Variants in MEIS1 observed in about 807,000 individuals in gnomAD.
MEIS1 encodes the protein Meis homeobox 1.
MEIS1 carries 5 observed loss-of-function variants against 50.8 expected under a neutral mutation model. That is an observed-to-expected ratio of 0.10 (90% CI 0.05 to 0.21). The LOEUF is 0.21. Ranked by LOEUF, MEIS1 falls within the 10% of genes least tolerant of loss-of-function variation. The pLI, the probability that MEIS1 is intolerant of heterozygous loss-of-function variation, is 1.00. For synonymous variants in MEIS1, 176 were observed against 179.3 expected (o/e 0.98, Z 0.15); for missense variants, 318 against 517.3 (o/e 0.61, Z 3.74).
chr2:66,439,505 C>T, intron 2 of MEIS1: 2 of 1,467,136 alleles, frequency 1.4e-6, no homozygotes, highest in Non-Finnish European at 9.0e-7. Flanking sequence ...GTGGAGGGGA[C>T]GAGGGCTTGT....
intron 7 of MEIS1, among the ~76,000 whole-genome samples, chr2:66,480,849 G>A (rs1378396717): frequency 1.3e-5 from 2 of 152,078 alleles, no homozygotes; most frequent in East Asian, 1.9e-4. Flanking sequence ...TGAAACTTTT[G>A]TGAAGAATGG....
At chr2:66,551,928 C>A (rs1002960839) in intron 9 of MEIS1, among the ~76,000 whole-genome samples, 1 of 151,572 alleles carries the variant, frequency 6.6e-6, no homozygotes, top group Non-Finnish European at 1.5e-5. Context: ...GCAAACATTA[C>A]CAATATGCAA....
intron 9 of MEIS1, among the ~76,000 whole-genome samples, chr2:66,559,123 CAG>C (rs58790798): frequency 0.034 from 5,020 of 147,998 alleles, 230 homozygotes; most frequent in African/African-American, 0.11. Flanking sequence ...GCCTGGGTGA[CAG>C]AGAGAGAGAG....
At chr2:66,453,284 T>C (rs778406866) in intron 6 of MEIS1, among the ~76,000 whole-genome samples, 5 of 151,962 alleles carry the variant, frequency 3.3e-5, no homozygotes, top group Non-Finnish European at 7.4e-5. Flanking sequence ...AAATACTCTG[T>C]AACTGTTAAA....
intron 8 of MEIS1, 116 bp from the exon 9 acceptor site, chr2:66,547,827 G>A (rs992235861): frequency 1.1e-6 from 1 of 889,028 alleles, no homozygotes; most frequent in Non-Finnish European, 1.8e-6. Flanking sequence ...CCATTAATAA[G>A]AGTGACACAC....
chr2:66,481,046 G>A (rs1445558911), intron 7 of MEIS1, among the ~76,000 whole-genome samples: 1 of 152,046 alleles, frequency 6.6e-6, no homozygotes, highest in Non-Finnish European at 1.5e-5. Flanking sequence ...AGGATTTCTG[G>A]TGATTCTCTG....
chr2:66,500,745 C>G (rs1336634914), intron 7 of MEIS1, among the ~76,000 whole-genome samples: 2 of 152,132 alleles, frequency 1.3e-5, no homozygotes, highest in Non-Finnish European at 2.9e-5. Context: ...TTTTTCAAAT[C>G]CTGCTTTTCA....
chr2:66,519,512 A>T (rs371082227), intron 8 of MEIS1, among the ~76,000 whole-genome samples: 2 of 150,876 alleles, frequency 1.3e-5, no homozygotes, highest in African/African-American at 2.4e-5. Flanking sequence ...CAGATAAGGC[A>T]TCTCTTTCTT....
intron 8 of MEIS1, among the ~76,000 whole-genome samples, chr2:66,542,817 A>G (rs1320221167): frequency 3.3e-5 from 5 of 152,204 alleles, no homozygotes; most frequent in Admixed American, 6.5e-5. Context: ...TAGATAAGAT[A>G]AACTTCATCA....
intron 7 of MEIS1, among the ~76,000 whole-genome samples, chr2:66,508,707 A>G (rs1673746388): frequency 6.6e-6 from 1 of 152,240 alleles, no homozygotes; most frequent in Admixed American, 6.5e-5. Flanking sequence ...GTCACTAGCA[A>G]ACGCCACAAC....
In MEIS1 at chr2:66,512,171, A is replaced by C; in HGVS notation, c.765A>C (p.Val255=). 6.3e-7 allele frequency: 1 copy of C among 1,599,566 alleles called. No individual in the cohort carries two copies. The highest frequency in any genetic ancestry group is 8.5e-7 in the Non-Finnish European group (1 of 1,171,176). ...CAGGTGATGGCTTGGACAACAGTGT[A>C]GCTTCCCCCAGCACAGGTGACGATG... ...SEQGDGLDNS[V]ASPSTGDDDD... Residue 255 remains valine (V), a synonymous_variant, in exon 8 of 13, where the codon GTA becomes GTC. Transcript: ENST00000272369.
At chr2:66,506,978 C>T (rs1220490140) in intron 7 of MEIS1, among the ~76,000 whole-genome samples, 1 of 152,166 alleles carries the variant, frequency 6.6e-6, no homozygotes, top group Non-Finnish European at 1.5e-5. Context: ...ATGTTCTACA[C>T]ACTTTTCAAG....
At chr2:66,523,541 C>T (rs1224443828) in intron 8 of MEIS1, among the ~76,000 whole-genome samples, 2 of 152,144 alleles carry the variant, frequency 1.3e-5, no homozygotes, top group African/African-American at 4.8e-5. Context: ...ATCTTCATAA[C>T]GCTGTAGTTG....
At chr2:66,503,807 C>T (rs1323679202) in intron 7 of MEIS1, among the ~76,000 whole-genome samples, 4 of 137,346 alleles carry the variant, frequency 2.9e-5, no homozygotes, top group Admixed American at 8.1e-5. Flanking sequence ...TGCAATGGCG[C>T]GATCTTGGCT....
rs1416610198 is a variant in MEIS1 at position 66,491,960 on chromosome 2, G to GT, written c.743-20186dup. Among the ~76,000 whole-genome samples the GT allele has an allele frequency of 6.6e-5, 10 of 151,992 alleles. No individual in the cohort carries two copies. The East Asian group carries it at 1.9e-3, about 29-fold the overall frequency. On this transcript the variant is annotated intron_variant, in intron 7 of 12. Coordinates refer to ENST00000272369, the MANE Select transcript of MEIS1 (RefSeq NM_002398.3). ...ATACACACAGCATTGTGAAAGTACA[G>GT]TTTATTGTAGATATTTAATAAGGAA... is the stretch of plus-strand genomic sequence containing the variant.
At chr2:66,522,078 C>G (rs1674136346) in intron 8 of MEIS1, among the ~76,000 whole-genome samples, 1 of 152,174 alleles carries the variant, frequency 6.6e-6, no homozygotes. Flanking sequence ...AAGGAAAACG[C>G]CTAATACTGT....
chr2:66,496,702 G>T (rs1260027794), intron 7 of MEIS1, among the ~76,000 whole-genome samples: 1 of 152,156 alleles, frequency 6.6e-6, no homozygotes, highest in Non-Finnish European at 1.5e-5. Flanking sequence ...GCTAAGCGAG[G>T]ATTCCCCTCT....
At chr2:66,570,741 G>A (rs1675466616) in intron 12 of MEIS1, 1 of 153,588 alleles carries the variant, frequency 6.5e-6, no homozygotes, top group Admixed American at 6.5e-5. Flanking sequence ...AAGGTGGACA[G>A]TGTTTTGTGA....
At chr2:66,483,232 CTT>C (rs796234118) in intron 7 of MEIS1, among the ~76,000 whole-genome samples, 90 of 109,608 alleles carry the variant, frequency 8.2e-4, no homozygotes, top group African/African-American at 3.3e-3. Context: ...TTTTTTTTGT[CTT>C]TTTTTTTTTT....
Sources: allele counts gnomAD v4.1 joint callset (sites outside exome capture counted in the v4.1 genomes callset), GRCh38; gene constraint gnomAD v4.1.1; transcripts MANE v1.5; gene names NCBI Gene and HGNC (gene_info 2026-07-23, HGNC 2026-07-21).